The following SH3BP1 variants were observed in gnomAD, a reference collection of about 807,000 sequenced individuals.
SH3BP1 encodes SH3 domain-binding protein 1.
Under a neutral mutation model 69.8 loss-of-function variants are expected in SH3BP1, and 46 were observed. The observed-to-expected ratio is 0.66, with a 90% CI of 0.52 to 0.84. The LOEUF is 0.84. Among genes scored for constraint, SH3BP1 ranks in the 40% least tolerant of loss-of-function variants. SH3BP1 has a pLI of 0.00. For missense variants in SH3BP1, 868 were observed against 930.9 expected, an observed-to-expected ratio of 0.93 and a Z score of 0.88; for synonymous variants, 403 against 378.0, an observed-to-expected ratio of 1.07 and a Z score of -0.77.
chr22:37,648,223 G>T, intron 13 of SH3BP1, 96 bp from the exon 14 acceptor site: 1 of 811,500 alleles, frequency 1.2e-6, no homozygotes, highest in South Asian at 1.5e-5. Context: ...AGACCATTCT[G>T]GGCGGTGTCT....
intron 1 of SH3BP1, 114 bp from the exon 2 acceptor site, chr22:37,641,012 A>G (rs1932563249): frequency 1.3e-6 from 1 of 747,482 alleles, no homozygotes; most frequent in East Asian, 2.7e-5. Flanking sequence ...TGGGAGGGAC[A>G]GTGGAAGCAC....
At chr22:37,642,212 C>T (rs1932622298) in intron 3 of SH3BP1, 1 of 364,826 alleles carries the variant, frequency 2.7e-6, no homozygotes, top group East Asian at 5.4e-5. Flanking sequence ...CTCCCGCTCC[C>T]ATTCTCCCTC....
At position 37,642,746 on chromosome 22, in the gene SH3BP1, G is replaced by A. The variant is rs753545778; in HGVS notation, c.284+131G>A. 2.9e-5 allele frequency: 46 copies of A among 1,601,652 alleles called. No individual in the cohort carries two copies. In the South Asian group the frequency reaches 4.4e-4, roughly 15 times the overall value. On this transcript the variant is annotated intron_variant, in intron 4 of 17. Coordinates refer to ENST00000649765, the MANE Select transcript of SH3BP1 (RefSeq NM_018957.6). ...CTGGGGACAGTTCCCAGGTCAGTGA[G>A]GGTGGCCAGGCCTGGGAGGGTGTTC...
chr22:37,641,236 G>A (rs1412261907), intron 2 of SH3BP1, 68 bp downstream of exon 2: 1 of 1,528,570 alleles, frequency 6.5e-7, no homozygotes, highest in Non-Finnish European at 8.9e-7. Context: ...GAGGGCCGGG[G>A]CGGGGACGCC....
chr22:37,644,957 G>A lies in SH3BP1; in HGVS notation c.775G>A (p.Ala259Thr). Residue 259 changes from alanine (A) to threonine (T), a missense_variant, in exon 9 of 18, where the codon GCA (alanine) becomes ACA (threonine). By Grantham distance (58) the Ala-to-Thr change is moderately conservative (BLOSUM62 0). Coordinates refer to ENST00000649765, the MANE Select transcript of SH3BP1 (RefSeq NM_018957.6). ...LAELRENHGQ[A>T]DHSPSMTATH... ...TGAGCTGAGGGAGAACCACGGCCAAGCAGGTGGGGACATAGGCCCGGCGAT... is the reference window on the plus strand; with the variant it reads ...TGAGCTGAGGGAGAACCACGGCCAAACAGGTGGGGACATAGGCCCGGCGAT... 1.9e-6 allele frequency: 3 copies of A among 1,613,798 alleles called. No individual in the cohort carries two copies. The highest frequency in any genetic ancestry group is 2.5e-6 in the Non-Finnish European group (3 of 1,179,982).
intron 14 of SH3BP1, among the ~76,000 whole-genome samples, chr22:37,649,648 GTGGTAC>G (rs1222183677): frequency 5.3e-5 from 8 of 152,116 alleles, no homozygotes; most frequent in Non-Finnish European, 1.0e-4. Context: ...TCTGGGCGTG[GTGGTAC>G]GCGCCTGTAA....
rs1932508336 is a variant in SH3BP1 at position 37,639,706 on chromosome 22, C to G, written c.-82C>G. On this transcript the variant is annotated 5_prime_UTR_variant, in exon 1 of 18. Transcript: ENST00000649765. ...CACCCATCCGGGGCAAGAGCCGCGC[C>G]GCAGGAGAGGCAGGCTGGACCGGGG... 10 of 870,216 alleles carry G rather than the reference C, an allele frequency of 1.1e-5. No homozygotes were observed. In the South Asian group the frequency reaches 1.9e-4, roughly 16 times the overall value. The allele number at this position is 870,216 out of a possible 1,614,324, so 53.9% of individuals were successfully genotyped here. A position where few individuals can be genotyped will look rare whatever the true frequency, so the allele number is the denominator to read the frequency against.
At chr22:37,641,101 C>G (rs761466312) in intron 1 of SH3BP1, 25 bp from the exon 2 acceptor site, 55 of 1,004,268 alleles carry the variant, frequency 5.5e-5, no homozygotes, top group South Asian at 2.2e-4. Context: ...AGCACTCTCC[C>G]CCCCCCCCCC....
intron 6 of SH3BP1, 70 bp downstream of exon 6, chr22:37,643,244 G>T: frequency 7.4e-7 from 1 of 1,358,992 alleles, no homozygotes; most frequent in Non-Finnish European, 1.0e-6. Context: ...GAGCTTTGAG[G>T]CCCTGGCCAC....
chr22:37,642,719 G>A, intron 4 of SH3BP1, 104 bp downstream of exon 4: 2 of 1,606,936 alleles, frequency 1.2e-6, no homozygotes, highest in Non-Finnish European at 1.7e-6. Flanking sequence ...AGAATGACCA[G>A]GCTGGGGACA....
chr22:37,653,071 A>C (rs539771435), intron 16 of SH3BP1, among the ~76,000 whole-genome samples: 1 of 152,170 alleles, frequency 6.6e-6, no homozygotes, highest in South Asian at 2.1e-4. Flanking sequence ...CAGGAGGCGG[A>C]GGTCACAGTG....
In SH3BP1 at chr22:37,643,704, T is replaced by C; in HGVS notation, c.534T>C (p.Ser178=). 2 of 1,613,990 alleles carry C rather than the reference T, an allele frequency of 1.2e-6. No homozygotes were observed. Among genetic ancestry groups the C allele is most frequent in the Non-Finnish European group, 1.7e-6 (2 of 1,180,012 alleles). ...SSQGLGGSPG[S]HSHTTMANKV... is the part of the protein sequence containing the mutation. ...AAGGCCTAGGAGGCAGCCCGGGTAG[T>C]CACAGCCATACGACCATGGCCAACA... is the stretch of plus-strand genomic sequence containing the variant. The change falls in exon 7 of 18, where the codon AGT becomes AGC. Residue 178 remains serine (S), a synonymous_variant. Transcript: ENST00000649765.
Position 37,647,311 on chromosome 22 carries a change from A to C in SH3BP1, c.1081A>C (p.Thr361Pro). The C allele has an allele frequency of 6.2e-7, 1 of 1,613,930 alleles. No individual in the cohort carries two copies. The highest frequency in any genetic ancestry group is 8.5e-7 in the Non-Finnish European group (1 of 1,179,936). Residue 361 changes from threonine to proline, a missense_variant, in exon 12 of 18, where the codon ACC becomes CCC. By Grantham distance (38) the Thr-to-Pro change is conservative. Around this residue, in one of 3 missense-constraint regions of SH3BP1, gnomAD observed 474 missense variants for 462.3 expected, o/e 1.03. Coordinates refer to ENST00000649765, the MANE Select transcript of SH3BP1 (RefSeq NM_018957.6). ...YLRELPEPLM[T>P]FDLYDDWMRA... ...GCGGGAGCTGCCAGAGCCTCTGATG[A>C]CCTTCGACCTCTATGATGACTGGAT...
chr22:37,645,551 C>A lies in SH3BP1; in HGVS notation c.924+41C>A, dbSNP rs369134113. The A allele has an allele frequency of 1.8e-5, 29 of 1,577,256 alleles. No homozygotes were observed. The East Asian group carries it at 5.4e-4, about 29-fold the overall frequency. ...GCAGGTGGGGAAGGAGCACTGGGGC[C>A]CTCATTCTGTCCCAAACCGCCCACT... On this transcript the variant is annotated intron_variant, in intron 10 of 17. Transcript: ENST00000649765.
rs753235435 is a variant in SH3BP1 at position 37,648,362 on chromosome 22, G to T, written c.1243G>T (p.Val415Leu). ...FLARLAEEQE[V>L]NKMTPSNIAI... ...GGCACGGCTGGCCGAGGAGCAGGAG[G>T]TGAACAAGATGACACCCAGCAACAT... The change falls in exon 14 of 18, where the codon GTG becomes TTG. Residue 415 changes from valine (V) to leucine (L), a missense_variant. Val to Leu is a conservative substitution (Grantham distance 32). Around this residue, in one of 3 missense-constraint regions of SH3BP1, gnomAD observed 474 missense variants for 462.3 expected, o/e 1.03. Coordinates refer to ENST00000649765, the MANE Select transcript of SH3BP1 (RefSeq NM_018957.6). The T allele has an allele frequency of 1.3e-6, 2 of 1,575,702 alleles. No individual in the cohort carries two copies. The highest frequency in any genetic ancestry group is 1.2e-5 in the South Asian group (1 of 85,750).
intron 9 of SH3BP1, 183 bp from the exon 10 acceptor site, chr22:37,645,182 G>C: frequency 1.1e-6 from 1 of 881,422 alleles, no homozygotes; most frequent in South Asian, 1.7e-5. Flanking sequence ...GGCAACGGTG[G>C]CCTGGACTAG....
chr22:37,647,330 A>G lies in SH3BP1; in HGVS notation c.1100A>G (p.Asp367Gly). Reference protein sequence around the residue: ...EPLMTFDLYDDWMRAASLKEP... With the variant: ...EPLMTFDLYDGWMRAASLKEP... ...CTGATGACCTTCGACCTCTATGATG[A>G]CTGGATGAGGGCAGCCAGGTGAGGA... The change falls in exon 12 of 18, where the codon GAC becomes GGC. Residue 367 changes from aspartate (D) to glycine (G), a missense_variant. Physicochemically the swap from Asp to Gly is moderately conservative, Grantham distance 94 (BLOSUM62 -1). This residue lies in a region of SH3BP1 where 474 missense variants were observed against 462.3 expected (regional missense o/e 1.03). Transcript: ENST00000649765. 6.2e-7 allele frequency: 1 copy of G among 1,613,796 alleles called. No homozygotes were observed. Among genetic ancestry groups the G allele is most frequent in the Non-Finnish European group, 8.5e-7 (1 of 1,179,886 alleles).
In SH3BP1 at chr22:37,644,619, C is replaced by A. The variant is rs984865102; in HGVS notation, c.619-18C>A. On this transcript the variant is annotated intron_variant, in intron 7 of 17. Transcript: ENST00000649765. ...CACAGCCTCACCCAACGTAAGCTCT[C>A]CCCTCTCTGTCCCCAAGGACGAGTA... 39 of 1,613,782 alleles carry A rather than the reference C, an allele frequency of 2.4e-5. No individual in the cohort carries two copies. Among genetic ancestry groups the A allele is most frequent in the Non-Finnish European group, 3.2e-5 (38 of 1,179,748 alleles).
intron 1 of SH3BP1, 28 bp from the exon 2 acceptor site, chr22:37,641,098 T>TCCCCCCCCCC (rs751968178): frequency 5.3e-6 from 5 of 947,990 alleles, no homozygotes; most frequent in African/African-American, 2.1e-5. Context: ...AGAAGCACTC[T>TCCCCCCCCCC]CCCCCCCCCC....
Sources: allele counts gnomAD v4.1 joint callset (sites outside exome capture counted in the v4.1 genomes callset), GRCh38; gene constraint gnomAD v4.1.1; regional missense constraint gnomAD v4.1.1; transcripts MANE v1.5; gene names NCBI Gene and HGNC (gene_info 2026-07-23, HGNC 2026-07-21).